The following ZDHHC6 variants were observed in gnomAD, a reference collection of about 807,000 sequenced individuals.
ZDHHC6 encodes palmitoyltransferase ZDHHC6.
In ZDHHC6, 32 loss-of-function variants were observed where a neutral mutation model predicts 57.8. The ratio of observed to expected loss-of-function variants is 0.55; its 90% confidence interval spans 0.42 to 0.74. The LOEUF is 0.74. Ranked by LOEUF, ZDHHC6 falls within the 30% of genes least tolerant of loss-of-function variation. The pLI is 0.00. For missense variants in ZDHHC6, 433 were observed against 500.7 expected, an observed-to-expected ratio of 0.86 and a Z score of 1.29; for synonymous variants, 128 against 158.0, an observed-to-expected ratio of 0.81 and a Z score of 1.42.
chr10:112,440,665 C>G lies in ZDHHC6; in HGVS notation c.550G>C (p.Asp184His), dbSNP rs778187892. Residue 184 changes from aspartate (D) to histidine (H), a missense_variant, in exon 5 of 11, where the codon GAC becomes CAC. Physicochemically the swap from Asp to His is moderately conservative, Grantham distance 81. Transcript: ENST00000369405. Reference sequence around the variant, plus strand: ...GGATCTCTCCGGGCTGCACTCATGTCGATCTTCACTGTGTTCCACCCAAAG... The same window carrying G: ...GGATCTCTCCGGGCTGCACTCATGTGGATCTTCACTGTGTTCCACCCAAAG... ...LSFGWNTVKI[D>H]MSAARRDPLP... 4 of 1,613,604 alleles carry G rather than the reference C, an allele frequency of 2.5e-6. No homozygotes were observed. Among genetic ancestry groups the G allele is most frequent in the Non-Finnish European group, 2.5e-6 (3 of 1,179,722 alleles).
chr10:112,446,027 T>C (rs781607478), intron 1 of ZDHHC6, among the ~76,000 whole-genome samples: 6 of 152,152 alleles, frequency 3.9e-5, no homozygotes, highest in South Asian at 4.1e-4. Context: ...AGAGGCTGAG[T>C]GATTAGACCA....
At chr10:112,443,401 T>C in intron 3 of ZDHHC6, 114 bp downstream of exon 3, 2 of 799,726 alleles carry the variant, frequency 2.5e-6, no homozygotes, top group Non-Finnish European at 3.9e-6. Context: ...CAATATTGTT[T>C]ATAATATGGT....
chr10:112,435,181 GAAAT>G (rs1845411141), intron 6 of ZDHHC6, among the ~76,000 whole-genome samples: 1 of 152,044 alleles, frequency 6.6e-6, no homozygotes. Flanking sequence ...TTAACTTGAG[GAAAT>G]AAATTGGCTT....
At chr10:112,426,520 T>A (rs1844723247), downstream of ZDHHC6, 1 of 637,482 alleles carries the variant, frequency 1.6e-6, no homozygotes, top group Non-Finnish European at 2.7e-6. Context: ...AAAATAAAAC[T>A]CTCTTTTCTA....
intron 4 of ZDHHC6, 86 bp from the exon 5 acceptor site, chr10:112,440,781 C>A: frequency 7.4e-7 from 1 of 1,354,324 alleles, no homozygotes; most frequent in South Asian, 2.0e-5. Context: ...ACAACTTGAT[C>A]AAAGAGATAA....
intron 8 of ZDHHC6, among the ~76,000 whole-genome samples, chr10:112,432,848 G>A (rs945324549): frequency 1.3e-5 from 2 of 152,216 alleles, no homozygotes; most frequent in Non-Finnish European, 2.9e-5. Flanking sequence ...TAGCTACTGA[G>A]TGAGCACTTA....
At chr10:112,432,179 G>A in intron 10 of ZDHHC6, 61 bp downstream of exon 10, 1 of 1,508,024 alleles carries the variant, frequency 6.6e-7, no homozygotes, top group Non-Finnish European at 8.9e-7. Context: ...AGTTATTCTT[G>A]TAAAATTTGG....
Position 112,438,345 on chromosome 10 carries a change from A to G in ZDHHC6, c.726T>C (p.Ile242=), listed in dbSNP as rs34823410. 1.4e-3 allele frequency: 1,837 copies of G among 1,353,784 alleles called. 24 individuals carry two copies. In the African/African-American group the frequency reaches 0.025, roughly 18 times the overall value. The allele number at this position is 1,353,784 out of a possible 1,614,324, so 83.9% of individuals were successfully genotyped here. ...LRNKTSIESW[I]EEKAKDRIQY... is the part of the protein sequence containing the mutation. ...AATTATTAAAATTTACCTTCTCTTC[A>G]ATCCATGACTCAATAGAAGTTTTGT... Residue 242 remains isoleucine (I), a synonymous_variant, in exon 6 of 11, where the codon ATT becomes ATC. Transcript: ENST00000369405.
At chr10:112,442,123 A>G in intron 4 of ZDHHC6, 69 bp downstream of exon 4, 4 of 1,449,180 alleles carry the variant, frequency 2.8e-6, no homozygotes, top group Non-Finnish European at 3.6e-6. Context: ...GGAACCTCTT[A>G]AATGTTGATA....
At chr10:112,447,430 C>G, upstream of ZDHHC6, 1 of 1,613,688 alleles carries the variant, frequency 6.2e-7, no homozygotes, top group Non-Finnish European at 8.5e-7. Context: ...CTGCAGAGAT[C>G]ACCAGCAAGA....
intron 6 of ZDHHC6, 112 bp downstream of exon 6, chr10:112,438,223 TA>T: frequency 1.3e-6 from 1 of 748,072 alleles, no homozygotes. Context: ...TTTTCACTTT[TA>T]GGCACTTTTC....
chr10:112,425,359 G>A (rs749931911), downstream of ZDHHC6: 51 of 1,612,012 alleles, frequency 3.2e-5, 1 homozygote, highest in Non-Finnish European at 3.7e-5. Flanking sequence ...GAAGATCATC[G>A]ACCGTAAAAA....
chr10:112,426,875 GAT>G (rs1844743896), downstream of ZDHHC6: 1 of 1,578,748 alleles, frequency 6.3e-7, no homozygotes, highest in South Asian at 1.1e-5. Context: ...TGCTACCACT[GAT>G]GTTATACTGG....
intron 6 of ZDHHC6, 36 bp downstream of exon 6, chr10:112,438,300 T>C (rs905017651): frequency 4.0e-6 from 5 of 1,248,094 alleles, no homozygotes; most frequent in Non-Finnish European, 5.3e-6. Flanking sequence ...ATTAATATAC[T>C]TTTTTAATAT....
At chr10:112,445,682 A>G in intron 1 of ZDHHC6, 32 bp from the exon 2 acceptor site, 3 of 533,242 alleles carry the variant, frequency 5.6e-6, no homozygotes, top group Non-Finnish European at 6.6e-6. Context: ...AGTTCAGTTA[A>G]AACAAAACAA....
chr10:112,428,463 T>C (rs1844822901), downstream of ZDHHC6: 1 of 398,430 alleles, frequency 2.5e-6, no homozygotes, highest in Non-Finnish European at 4.4e-6. Context: ...ACAGTATCTG[T>C]TCTTAAACTT....
At chr10:112,432,108 G>C in intron 10 of ZDHHC6, 132 bp downstream of exon 10, 2 of 811,216 alleles carry the variant, frequency 2.5e-6, no homozygotes, top group Non-Finnish European at 3.8e-6. Flanking sequence ...TCCTTTTGTT[G>C]CTTAGTGATA....
chr10:112,429,373 T>C (rs723373), downstream of ZDHHC6, among the ~76,000 whole-genome samples: 30,442 of 152,100 alleles, frequency 0.2, 3,403 homozygotes, highest in Middle Eastern at 0.31. Flanking sequence ...AATGCAAATA[T>C]CCCAAAGCAC....
At chr10:112,437,324 C>T (rs563700973) in intron 6 of ZDHHC6, among the ~76,000 whole-genome samples, 8 of 152,104 alleles carry the variant, frequency 5.3e-5, no homozygotes, top group East Asian at 1.9e-4. Context: ...GCCAAATGAC[C>T]GATGCCTGAT....
Sources: gnomAD v4.1 joint callset for allele counts (sites outside exome capture counted in the v4.1 genomes callset) on GRCh38, gnomAD v4.1.1 for gene constraint, MANE v1.5 for transcripts, NCBI Gene and HGNC (gene_info 2026-07-23, HGNC 2026-07-21) for gene names.